Variants in HTT observed in about 807,000 individuals in gnomAD.
HTT encodes the protein huntington disease protein.
In HTT, 104 loss-of-function variants were observed where a neutral mutation model predicts 362.3. The ratio of observed to expected loss-of-function variants is 0.29; its 90% CI spans 0.24 to 0.34. HTT has a LOEUF of 0.34. Ranked by LOEUF, HTT falls within the 10% of genes least tolerant of loss-of-function variation. HTT has a pLI of 1.00. For missense variants in HTT, 3,301 were observed against 3,928.6 expected, an observed-to-expected ratio of 0.84 and a Z score of 4.27; for synonymous variants, 1,577 against 1,548.7, an observed-to-expected ratio of 1.02 and a Z score of -0.43.
At chr4:3,151,158 G>A (rs941733429) in intron 26 of HTT, among the ~76,000 whole-genome samples, 1 of 152,000 alleles carries the variant, frequency 6.6e-6, no homozygotes, top group African/African-American at 2.4e-5. Context: ...TCATAGGAGC[G>A]TGTATGAGTT....
intron 56 of HTT, 58 bp from the exon 57 acceptor site, chr4:3,225,603 T>C: frequency 6.8e-7 from 1 of 1,478,830 alleles, no homozygotes; most frequent in Non-Finnish European, 9.4e-7. Flanking sequence ...TGGTATGGGG[T>C]GGGCCTGCGG....
intron 53 of HTT, 130 bp from the exon 54 acceptor site, chr4:3,222,257 G>T: frequency 1.5e-6 from 1 of 665,756 alleles, no homozygotes. Flanking sequence ...AACTGTGTGA[G>T]GTTTAAGGGA....
intron 60 of HTT, among the ~76,000 whole-genome samples, chr4:3,231,861 C>G (rs185284287): frequency 1.3e-5 from 2 of 152,164 alleles, no homozygotes; most frequent in African/African-American, 4.8e-5. Flanking sequence ...GTTGTGCCAT[C>G]AGTAATCAAA....
At position 3,107,442 on chromosome 4, in the gene HTT, G is replaced by A; in HGVS notation, c.747+19G>A. ...AATTAAGGTATGATTGTTGCCTCAG[G>A]TCACAAACATGCGAGTGATGCTGTG... is the stretch of plus-strand genomic sequence containing the variant. On this transcript the variant is annotated intron_variant, in intron 6 of 66. Transcript: ENST00000355072. 2 of 1,613,764 alleles carry A rather than the reference G, an allele frequency of 1.2e-6. No homozygotes were observed. Among genetic ancestry groups the A allele is most frequent in the South Asian group, 1.1e-5 (1 of 91,060 alleles).
At chr4:3,233,082 GC>G in intron 60 of HTT, 80 bp from the exon 61 acceptor site, 1 of 1,203,560 alleles carries the variant, frequency 8.3e-7, no homozygotes, top group Non-Finnish European at 1.2e-6. Context: ...TGAGGGCAGC[GC>G]CCCCGCCTCG....
At chr4:3,217,684 C>T (rs1720477419) in intron 51 of HTT, 81 bp from the exon 52 acceptor site, 1 of 1,218,980 alleles carries the variant, frequency 8.2e-7, no homozygotes, top group Non-Finnish European at 1.2e-6. Context: ...GCTTGAGCAG[C>T]TGGTTGTAGG....
intron 24 of HTT, among the ~76,000 whole-genome samples, chr4:3,146,454 G>A (rs1431653399): frequency 3.3e-5 from 5 of 152,064 alleles, no homozygotes; most frequent in African/African-American, 1.2e-4. Context: ...CTTTTATTTT[G>A]TGCCTGTTTA....
At chr4:3,152,364 C>T (rs1716940444) in intron 26 of HTT, among the ~76,000 whole-genome samples, 1 of 152,184 alleles carries the variant, frequency 6.6e-6, no homozygotes, top group Admixed American at 6.5e-5. Context: ...TCCCAAAGTG[C>T]TGGGATTACA....
chr4:3,182,070 G>A (rs1718547718), intron 36 of HTT, among the ~76,000 whole-genome samples: 1 of 152,210 alleles, frequency 6.6e-6, no homozygotes, highest in South Asian at 2.1e-4. Context: ...CTCTGATTGT[G>A]AAATATTACA....
At chr4:3,133,069 C>T (rs1468652019) in intron 18 of HTT, among the ~76,000 whole-genome samples, 158 bp downstream of exon 18, 3 of 152,250 alleles carry the variant, frequency 2.0e-5, no homozygotes, top group East Asian at 3.9e-4. Context: ...AGAAAGAAAA[C>T]GTTGCCAGTA....
chr4:3,136,179 A>C (rs757951507), intron 20 of HTT, 47 bp from the exon 21 acceptor site: 3 of 1,308,764 alleles, frequency 2.3e-6, no homozygotes, highest in Non-Finnish European at 3.3e-6. Context: ...CCTAAAATTT[A>C]GTCAAATACA....
chr4:3,090,912 G>T (rs1039149786), intron 2 of HTT, among the ~76,000 whole-genome samples: 3 of 152,206 alleles, frequency 2.0e-5, no homozygotes, highest in African/African-American at 7.2e-5. Context: ...AAGAGTTTGA[G>T]ACCAGCTGGA....
chr4:3,097,398 G>A (rs1315500823), intron 2 of HTT, among the ~76,000 whole-genome samples: 2 of 152,152 alleles, frequency 1.3e-5, no homozygotes, highest in African/African-American at 2.4e-5. Flanking sequence ...TTGGGAGGCC[G>A]AGGTGGACAG....
chr4:3,143,778 T>C (rs963923438), intron 23 of HTT, among the ~76,000 whole-genome samples: 19 of 151,910 alleles, frequency 1.3e-4, no homozygotes, highest in African/African-American at 4.4e-4. Flanking sequence ...TAATTTTGTA[T>C]TTTTAGTAGA....
intron 1 of HTT, among the ~76,000 whole-genome samples, chr4:3,080,050 A>G (rs1203832262): frequency 1.3e-5 from 2 of 152,232 alleles, no homozygotes; most frequent in Non-Finnish European, 2.9e-5. Flanking sequence ...GAAGACAAAA[A>G]TAAGTCTGGG....
At chr4:3,237,263 G>T (rs1487398224) in intron 64 of HTT, among the ~76,000 whole-genome samples, 1 of 152,060 alleles carries the variant, frequency 6.6e-6, no homozygotes, top group Admixed American at 6.6e-5. Context: ...TAGTAGAGAC[G>T]GGGTTTCACC....
At chr4:3,156,943 G>A in intron 27 of HTT, 129 bp from the exon 28 acceptor site, 1 of 700,510 alleles carries the variant, frequency 1.4e-6, no homozygotes, top group Admixed American at 3.2e-5. Context: ...TTAATCAAAA[G>A]GTCAGAGGAA....
chr4:3,099,232 C>A, intron 2 of HTT, 42 bp from the exon 3 acceptor site: 1 of 1,391,982 alleles, frequency 7.2e-7, no homozygotes, highest in Non-Finnish European at 1.0e-6. Flanking sequence ...TGTCATGTCA[C>A]CTTAGGCTCC....
Position 3,168,213 on chromosome 4 carries a change from G to C in HTT, c.3865-4107G>C, listed in dbSNP as rs3796467. ...CCAGATGCTTAGATTGTCAGGCCAG[G>C]CTTGAGATATACAAACTATTGAGCC... On this transcript the variant is annotated intron_variant, in intron 29 of 66. Coordinates refer to ENST00000355072, the MANE Select transcript of HTT (RefSeq NM_001388492.1). Among the ~76,000 whole-genome samples, 22 of 152,308 alleles carry C rather than the reference G, an allele frequency of 1.4e-4. No homozygotes were observed. The East Asian group carries it at 3.9e-3, about 27-fold the overall frequency.
Sources: gnomAD v4.1 joint callset for allele counts (sites outside exome capture counted in the v4.1 genomes callset) on GRCh38, gnomAD v4.1.1 for gene constraint, MANE v1.5 for transcripts, NCBI Gene and HGNC (gene_info 2026-07-23, HGNC 2026-07-21) for gene names.